The following ZBTB5 variants were observed in gnomAD, a reference collection of about 807,000 sequenced individuals.
The protein encoded by ZBTB5 is zinc finger and BTB domain containing 5, also known as zinc finger and BTB domain-containing protein 5.
A neutral mutation model predicts 37.9 loss-of-function variants in ZBTB5; 15 were observed. The observed-to-expected ratio is 0.40, with a 90% CI of 0.26 to 0.61. The LOEUF is 0.61. ZBTB5 is among the 20% of genes least tolerant of loss of function. The pLI is 0.47. For synonymous variants in ZBTB5, 315 were observed against 312.4 expected (o/e 1.01, Z -0.09); for missense variants, 708 against 856.8 (o/e 0.83, Z 2.17).
chr9:37,456,278 C>G (rs1369382545), intron 1 of ZBTB5, among the ~76,000 whole-genome samples: 1 of 152,104 alleles, frequency 6.6e-6, no homozygotes, highest in African/African-American at 2.4e-5. Flanking sequence ...TGACAGGGCT[C>G]CAAGTCAGAC....
intron 1 of ZBTB5, among the ~76,000 whole-genome samples, chr9:37,447,802 T>C (rs1442171120): frequency 6.6e-6 from 1 of 150,420 alleles, no homozygotes; most frequent in Non-Finnish European, 1.5e-5. Flanking sequence ...TTCTGCTCAA[T>C]GCTTCTTTTT....
intron 1 of ZBTB5, among the ~76,000 whole-genome samples, chr9:37,459,671 G>A (rs1211582549): frequency 5.5e-4 from 80 of 144,608 alleles, no homozygotes; most frequent in African/African-American, 1.5e-3. Context: ...TCAGCCTCCC[G>A]AATAGCTGGG....
At chr9:37,445,878 ATTGT>A (rs553243640) in intron 1 of ZBTB5, among the ~76,000 whole-genome samples, 197 of 152,036 alleles carry the variant, frequency 1.3e-3, no homozygotes, top group African/African-American at 4.2e-3. Context: ...AGGCGGGCAG[ATTGT>A]TTGAGCTCAG....
Position 37,441,699 on chromosome 9 carries a change from G to A in ZBTB5, c.853C>T (p.Gln285Ter), listed in dbSNP as rs984754703. 1 of 1,613,950 alleles carries A rather than the reference G, an allele frequency of 6.2e-7. No individual in the cohort carries two copies. Among genetic ancestry groups the A allele is most frequent in the Non-Finnish European group, 8.5e-7 (1 of 1,179,978 alleles). Residue 285 changes from glutamine to a stop codon, truncating the protein, a stop_gained, in exon 2 of 2, where the codon CAG (glutamine) becomes TAG (stop). Transcript: ENST00000307750. LOFTEE classifies it high-confidence loss of function. ...GTTGCACGAGAGGCCATGGACAACT[G>A]TGCCATGTTGCCAGCACTGTTATCA... ...QSDNSAGNMA[Q>*]LSMASRATQV... is the part of the protein sequence containing the mutation.
chr9:37,441,800 T>C lies in ZBTB5; in HGVS notation c.752A>G (p.Asp251Gly). ...VDNPKADGMT[D>G]NQEDSAIMFD... ...CATGATCGCACTATCTTCCTGGTTA[T>C]CAGTCATTCCATCAGCTTTAGGATT... The change falls in exon 2 of 2, where the codon GAT becomes GGT. Residue 251 changes from aspartate (D) to glycine (G), a missense_variant. By Grantham distance (94) the Asp-to-Gly change is moderately conservative. This residue lies in a region of ZBTB5 where 639 missense variants were observed against 690.5 expected (regional missense o/e 0.93). Transcript: ENST00000307750. 6.2e-7 allele frequency: 1 copy of C among 1,614,104 alleles called. No individual in the cohort carries two copies. Among genetic ancestry groups the C allele is most frequent in the Non-Finnish European group, 8.5e-7 (1 of 1,180,012 alleles).
intron 1 of ZBTB5, among the ~76,000 whole-genome samples, chr9:37,443,032 C>T (rs1264641333): frequency 2.0e-5 from 3 of 152,066 alleles, no homozygotes; most frequent in African/African-American, 7.2e-5. Flanking sequence ...GCATTTGCCC[C>T]GTGCTTTTTC....
intron 1 of ZBTB5, among the ~76,000 whole-genome samples, chr9:37,453,176 T>A (rs1370361757): frequency 1.3e-5 from 2 of 152,156 alleles, no homozygotes; most frequent in East Asian, 3.9e-4. Flanking sequence ...ATGCCACATG[T>A]CTGTCTGTCT....
At position 37,438,939 on chromosome 9, in the gene ZBTB5, G is replaced by A. The variant is rs763863155; in HGVS notation, c.*1579C>T. Reference sequence around the variant, plus strand: ...GGAACATGAAATTATCCACACATGTGTAACTGCACACTCTAGATTAACAGG... The same window carrying A: ...GGAACATGAAATTATCCACACATGTATAACTGCACACTCTAGATTAACAGG... On this transcript the variant is annotated 3_prime_UTR_variant, in exon 2 of 2. Transcript: ENST00000307750. 1 of 152,196 alleles carries A rather than the reference G, an allele frequency of 6.6e-6. No homozygotes were observed. The highest frequency in any genetic ancestry group is 2.4e-5 in the African/African-American group (1 of 41,442). The allele number at this position is 152,196 out of a possible 1,614,324, so 9.4% of individuals were successfully genotyped here.
intron 1 of ZBTB5, among the ~76,000 whole-genome samples, chr9:37,461,478 C>T (rs976728990): frequency 1.3e-5 from 2 of 152,138 alleles, no homozygotes; most frequent in African/African-American, 2.4e-5. Flanking sequence ...CCTGTAATCA[C>T]GCACTTTGGG....
chr9:37,459,957 G>A (rs1397534823), intron 1 of ZBTB5, among the ~76,000 whole-genome samples: 3 of 151,336 alleles, frequency 2.0e-5, no homozygotes, highest in Admixed American at 6.6e-5. Flanking sequence ...TGATCTGTCC[G>A]TCTCGGCCTC....
chr9:37,454,430 T>A (rs1203498191), intron 1 of ZBTB5, among the ~76,000 whole-genome samples: 1 of 152,194 alleles, frequency 6.6e-6, no homozygotes, highest in Non-Finnish European at 1.5e-5. Context: ...TGAGTCAACA[T>A]AGCTGGAGGA....
intron 1 of ZBTB5, among the ~76,000 whole-genome samples, chr9:37,461,986 G>C (rs1824301709): frequency 6.6e-6 from 1 of 152,082 alleles, no homozygotes; most frequent in South Asian, 2.1e-4. Flanking sequence ...CAATTACAAG[G>C]AATTAGTTGG....
chr9:37,446,814 A>G (rs528363991), intron 1 of ZBTB5, among the ~76,000 whole-genome samples: 1 of 152,350 alleles, frequency 6.6e-6, no homozygotes, highest in South Asian at 2.1e-4. Flanking sequence ...GTACACTCAT[A>G]TATGAATAAG....
chr9:37,454,665 T>C (rs1203444147), intron 1 of ZBTB5, among the ~76,000 whole-genome samples: 2 of 152,244 alleles, frequency 1.3e-5, no homozygotes, highest in Non-Finnish European at 2.9e-5. Flanking sequence ...GCTAATAAAG[T>C]TCCTTTCTGT....
At chr9:37,450,470 G>A (rs2118945349) in intron 1 of ZBTB5, among the ~76,000 whole-genome samples, 1 of 152,290 alleles carries the variant, frequency 6.6e-6, no homozygotes, top group East Asian at 1.9e-4. Context: ...AGAAGAATGA[G>A]TAATATGCAT....
In ZBTB5 at chr9:37,441,902, A is replaced by T; in HGVS notation, c.650T>A (p.Val217Asp). The T allele has an allele frequency of 6.2e-7, 1 of 1,614,164 alleles. No individual in the cohort carries two copies. The highest frequency in any genetic ancestry group is 8.5e-7 in the Non-Finnish European group (1 of 1,180,038). The change falls in exon 2 of 2, where the codon GTT (valine) becomes GAT (aspartate). Residue 217 changes from valine to aspartate, a missense_variant. Val to Asp is a radical substitution (Grantham distance 152). Coordinates refer to ENST00000307750, the MANE Select transcript of ZBTB5 (RefSeq NM_014872.3). ...PSIDESAISD[V>D]TPENGPSGVH... The stretch of plus-strand genomic sequence containing the variant: ...CCCTGAAGGCCCATTCTCCGGTGTA[A>T]CATCTGAAATGGCAGACTCATCTAT...
chr9:37,442,486 C>T lies in ZBTB5; in HGVS notation c.66G>A (p.Gln22=). ...CCACTACAATGACACAATCACAGAGCTGGCCATGAAGTCTCTGGTAGTTCA... is the reference window on the plus strand; with the variant it reads ...CCACTACAATGACACAATCACAGAGTTGGCCATGAAGTCTCTGGTAGTTCA... ...QQLNYQRLHG[Q]LCDCVIVVGN... Residue 22 remains glutamine (Q), a synonymous_variant, in exon 2 of 2, where the codon CAG becomes CAA. Transcript: ENST00000307750. 1.2e-6 allele frequency: 2 copies of T among 1,614,002 alleles called. No homozygotes were observed. Among genetic ancestry groups the T allele is most frequent in the African/African-American group, 1.3e-5 (1 of 75,028 alleles).
At position 37,444,292 on chromosome 9, in the gene ZBTB5, G is replaced by A. The variant is rs570745478; in HGVS notation, c.-4-1737C>T. Among the ~76,000 whole-genome samples, 9 of 152,182 alleles carry A rather than the reference G, an allele frequency of 5.9e-5. No homozygotes were observed. The South Asian group carries it at 1.7e-3, about 28-fold the overall frequency. Reference sequence around the variant, plus strand: ...CGGCTCACTGCAACCTCCGCCTCCCGGGTTCAAGTGATTCTCCTGCCTCAG... The same window carrying A: ...CGGCTCACTGCAACCTCCGCCTCCCAGGTTCAAGTGATTCTCCTGCCTCAG... On this transcript the variant is annotated intron_variant, in intron 1 of 1. Transcript: ENST00000307750.
At chr9:37,456,912 T>C (rs1055300986) in intron 1 of ZBTB5, among the ~76,000 whole-genome samples, 2 of 152,152 alleles carry the variant, frequency 1.3e-5, no homozygotes, top group African/African-American at 4.8e-5. Context: ...TCTCAGAATA[T>C]CCAAAATAAA....
Sources: allele counts gnomAD v4.1 joint callset (sites outside exome capture counted in the v4.1 genomes callset), GRCh38; gene constraint gnomAD v4.1.1; regional missense constraint gnomAD v4.1.1; transcripts MANE v1.5; gene names NCBI Gene and HGNC (gene_info 2026-07-23, HGNC 2026-07-21).